The following ATE1 variants were observed in gnomAD, a reference collection of about 807,000 sequenced individuals.
ATE1 encodes the protein arginyltransferase 1.
ATE1 carries 36 observed loss-of-function variants against 70.5 expected under a neutral mutation model. The observed-to-expected ratio is 0.51, with a 90% CI of 0.39 to 0.67. The LOEUF is 0.67. ATE1 is among the 30% of genes least tolerant of loss of function. ATE1 has a pLI of 0.00. For missense variants in ATE1, 593 were observed against 629.5 expected (o/e 0.94, Z 0.62); for synonymous variants, 232 against 219.3 (o/e 1.06, Z -0.51).
chr10:121,856,083 A>C (rs1949238308), intron 8 of ATE1, among the ~76,000 whole-genome samples: 1 of 151,930 alleles, frequency 6.6e-6, no homozygotes, highest in East Asian at 1.9e-4. Context: ...TCTCAAAAAA[A>C]AAAAAAAAAA....
At chr10:121,927,404 G>A (rs1285149787) in intron 1 of ATE1, 1 of 984,290 alleles carries the variant, frequency 1.0e-6, no homozygotes, top group Non-Finnish European at 1.2e-6. Flanking sequence ...GTCCAGGGAA[G>A]TCTGATTCAT....
At chr10:121,898,879 TG>T in intron 7 of ATE1, 1 of 1,614,020 alleles carries the variant, frequency 6.2e-7, no homozygotes. Context: ...TCCTGGTGTA[TG>T]GCCACTTGAT....
chr10:121,826,558 G>A (rs1948024443), intron 10 of ATE1, among the ~76,000 whole-genome samples: 1 of 152,166 alleles, frequency 6.6e-6, no homozygotes, highest in Non-Finnish European at 1.5e-5. Context: ...ACCCTCCTCG[G>A]CCTCCCAAAG....
At chr10:121,845,867 T>C (rs1226302054) in intron 8 of ATE1, among the ~76,000 whole-genome samples, 2 of 152,200 alleles carry the variant, frequency 1.3e-5, no homozygotes, top group African/African-American at 2.4e-5. Context: ...GAAATATTTA[T>C]AAATGTGCAT....
At position 121,911,015 on chromosome 10, in the gene ATE1, T is replaced by C; in HGVS notation, c.474A>G (p.Ser158=). The stretch of plus-strand genomic sequence containing the variant: ...GTAATTCCTGAGGTTCTTCTTTCTT[T>C]GAATTTTTTCCTTCACTCTCTAAAC... ...KESLESEGKN[S]KKEEPQELLQ... is the part of the protein sequence containing the mutation. Residue 158 remains serine, a synonymous_variant, in exon 5 of 12, where the codon TCA becomes TCG. Transcript: ENST00000224652. 1 of 1,614,102 alleles carries C rather than the reference T, an allele frequency of 6.2e-7. No homozygotes were observed. Among genetic ancestry groups the C allele is most frequent in the Non-Finnish European group, 8.5e-7 (1 of 1,180,024 alleles).
At chr10:121,887,944 A>G (rs1397822925) in intron 7 of ATE1, among the ~76,000 whole-genome samples, 1 of 152,204 alleles carries the variant, frequency 6.6e-6, no homozygotes, top group Non-Finnish European at 1.5e-5. Context: ...CCTCTCCATA[A>G]TAACTACTTC....
chr10:121,831,678 T>C (rs1483161902), intron 10 of ATE1, among the ~76,000 whole-genome samples: 1 of 152,206 alleles, frequency 6.6e-6, no homozygotes, highest in Admixed American at 6.5e-5. Context: ...TTGTCAAGAC[T>C]CATGATTTGA....
At position 121,862,918 on chromosome 10, in the gene ATE1, C is replaced by T. The variant is rs12268644; in HGVS notation, c.975+7088G>A. On this transcript the variant is annotated intron_variant, in intron 8 of 11. Transcript: ENST00000224652. Reference sequence around the variant, plus strand: ...TTTCTAGAGATTTCTGAATAACCCACCCTTTAATTTGCATGCAATTAAAGG... The same window carrying T: ...TTTCTAGAGATTTCTGAATAACCCATCCTTTAATTTGCATGCAATTAAAGG... Among the ~76,000 whole-genome samples the T allele has an allele frequency of 3.5e-3, 514 of 148,262 alleles. 6 individuals carry two copies. Among genetic ancestry groups the T allele is most frequent in the African/African-American group, 0.012 (479 of 41,070 alleles).
intron 1 of ATE1, 64 bp downstream of exon 1, chr10:121,927,780 G>A (rs1952160608): frequency 1.3e-6 from 2 of 1,502,118 alleles, no homozygotes; most frequent in Admixed American, 2.1e-5. Context: ...TCCTCGCTGG[G>A]GGACCCTGGG....
At position 121,803,192 on chromosome 10, in the gene ATE1, C is replaced by T. The variant is rs906328438; in HGVS notation, c.1258-12903G>A. On this transcript the variant is annotated intron_variant, in intron 10 of 11. Transcript: ENST00000224652. ...AGCTGGGAGTACATCAATTTCTTTA[C>T]GTTCCCTATGCATATGAAGAATTCC... Among the ~76,000 whole-genome samples the T allele has an allele frequency of 5.9e-5, 9 of 152,150 alleles. No individual in the cohort carries two copies. The East Asian group carries it at 7.7e-4, about 13-fold the overall frequency.
At chr10:121,898,524 G>C (rs939650295) in intron 7 of ATE1, among the ~76,000 whole-genome samples, 1 of 152,184 alleles carries the variant, frequency 6.6e-6, no homozygotes, top group Non-Finnish European at 1.5e-5. Flanking sequence ...CTTGAAGACA[G>C]AGACTCCTTT....
At chr10:121,806,177 G>A (rs999424832) in intron 10 of ATE1, among the ~76,000 whole-genome samples, 1 of 152,210 alleles carries the variant, frequency 6.6e-6, no homozygotes, top group Non-Finnish European at 1.5e-5. Context: ...CAGGTTGGAC[G>A]CAGTGGCTTA....
At chr10:121,799,336 A>T (rs1177136467) in intron 10 of ATE1, among the ~76,000 whole-genome samples, 1 of 152,198 alleles carries the variant, frequency 6.6e-6, no homozygotes, top group Non-Finnish European at 1.5e-5. Context: ...TAGAATGCAC[A>T]GGTGAAAGAA....
At chr10:121,773,552 AG>A (rs1945607974) in intron 11 of ATE1, among the ~76,000 whole-genome samples, 1 of 152,210 alleles carries the variant, frequency 6.6e-6, no homozygotes, top group Non-Finnish European at 1.5e-5. Flanking sequence ...AAGTCCCTAA[AG>A]GTTGAGACTT....
At chr10:121,787,622 T>G (rs1032030437) in intron 11 of ATE1, among the ~76,000 whole-genome samples, 1 of 152,222 alleles carries the variant, frequency 6.6e-6, no homozygotes, top group Non-Finnish European at 1.5e-5. Flanking sequence ...AAATGAATTC[T>G]AAACAATGTT....
chr10:121,910,434 A>T (rs1951375467), intron 5 of ATE1, among the ~76,000 whole-genome samples: 1 of 152,232 alleles, frequency 6.6e-6, no homozygotes, highest in African/African-American at 2.4e-5. Context: ...ACCTGATTAA[A>T]GGCAAAGTTA....
At chr10:121,851,090 C>CA (rs10603053) in intron 8 of ATE1, among the ~76,000 whole-genome samples, 3,317 of 43,220 alleles carry the variant, frequency 0.077, 697 homozygotes, top group East Asian at 0.19. Flanking sequence ...GACTCCATCT[C>CA]AAAAAAAAAA....
chr10:121,865,520 T>A (rs769254320), intron 8 of ATE1, among the ~76,000 whole-genome samples: 2 of 152,194 alleles, frequency 1.3e-5, no homozygotes, highest in Non-Finnish European at 2.9e-5. Flanking sequence ...CCACATTTAA[T>A]TGAAGACATC....
chr10:121,787,946 T>C (rs1294152978), intron 11 of ATE1, among the ~76,000 whole-genome samples: 1 of 151,916 alleles, frequency 6.6e-6, no homozygotes. Flanking sequence ...AACTGACCAA[T>C]AAGGAAAAAA....
Sources: gnomAD v4.1 joint callset for allele counts (sites outside exome capture counted in the v4.1 genomes callset) on GRCh38, gnomAD v4.1.1 for gene constraint, MANE v1.5 for transcripts, NCBI Gene and HGNC (gene_info 2026-07-23, HGNC 2026-07-21) for gene names.